Variants in PDE8B observed in about 807,000 individuals in gnomAD.
The protein encoded by PDE8B is phosphodiesterase 8B, also known as high affinity cAMP-specific and IBMX-insensitive 3',5'-cyclic phosphodiesterase 8B.
A neutral mutation model predicts 101.3 loss-of-function variants in PDE8B; 26 were observed. The ratio of observed to expected loss-of-function variants is 0.26; its 90% CI spans 0.19 to 0.36. The LOEUF (loss-of-function observed/expected upper bound fraction) is 0.36. Among genes scored for constraint, PDE8B ranks in the 10% least tolerant of loss-of-function variants. The pLI is 1.00. For missense variants in PDE8B, 810 were observed against 1,163.1 expected, an observed-to-expected ratio of 0.70 and a Z score of 4.42; for synonymous variants, 424 against 429.3, an observed-to-expected ratio of 0.99 and a Z score of 0.15.
chr5:77,102,983 G>GA, the PDE8B span, among the ~76,000 whole-genome samples: 1 of 152,168 alleles, frequency 6.6e-6, no homozygotes, highest in African/African-American at 2.4e-5. Flanking sequence ...GGTGGGCAAG[G>GA]AAAAATGAAG....
chr5:77,210,623 G>A (rs1256418547), upstream of PDE8B: 19 of 981,598 alleles, frequency 1.9e-5, no homozygotes, highest in East Asian at 9.3e-4. This position sits in a 1 kb window ranked among gnomAD's most constrained non-coding sequence, Gnocchi z 4.9. Flanking sequence ...GGCGCGGGGA[G>A]CGTGTTTGGG....
chr5:77,173,284 T>C, the PDE8B span, among the ~76,000 whole-genome samples: 7 of 152,192 alleles, frequency 4.6e-5, no homozygotes, highest in Admixed American at 2.0e-4. Flanking sequence ...ATGGAAAGTA[T>C]GTGAGGAGGT....
At chr5:77,139,730 C>A in the PDE8B span, 1 of 152,110 alleles carries the variant, frequency 6.6e-6, no homozygotes, top group African/African-American at 2.4e-5. Context: ...TTAAATATTT[C>A]TATTTAGTTT....
chr5:77,311,920 C>A, intron 1 of PDE8B, 74 bp from the exon 2 acceptor site: 3 of 1,161,698 alleles, frequency 2.6e-6, no homozygotes, highest in Non-Finnish European at 3.9e-6. Flanking sequence ...TAATGCAATG[C>A]GTTGCGTAAG....
At chr5:77,230,240 A>G (rs762244202) in intron 1 of PDE8B, among the ~76,000 whole-genome samples, 8 of 152,184 alleles carry the variant, frequency 5.3e-5, no homozygotes, top group Non-Finnish European at 7.3e-5. Flanking sequence ...CTCAACATGA[A>G]CTTGGGTTTC....
At chr5:77,338,022 C>G (rs1232003975) in intron 6 of PDE8B, among the ~76,000 whole-genome samples, 1 of 152,188 alleles carries the variant, frequency 6.6e-6, no homozygotes, top group Non-Finnish European at 1.5e-5. Context: ...TTCCTCTCTT[C>G]TCAGCCAGAG....
the PDE8B span, chr5:77,151,928 G>T: frequency 6.6e-6 from 1 of 152,116 alleles, no homozygotes; most frequent in Admixed American, 6.5e-5. Context: ...GTAAAACTGG[G>T]CTTGAAGACC....
In PDE8B at chr5:77,265,829, A is replaced by G. The variant is rs530076880; in HGVS notation, c.340-46165A>G. Among the ~76,000 whole-genome samples the G allele has an allele frequency of 3.9e-5, 6 of 152,372 alleles. No individual in the cohort carries two copies. The South Asian group carries it at 8.3e-4, about 21-fold the overall frequency. ...CAATATTAAATATCCTTCATATAAA[A>G]TGGGCTGAAGTCTAAATTGCACGTT... On this transcript the variant is annotated intron_variant, in intron 1 of 21. Coordinates refer to ENST00000264917, the MANE Select transcript of PDE8B (RefSeq NM_003719.5).
intron 19 of PDE8B, among the ~76,000 whole-genome samples, chr5:77,420,284 C>G: frequency 6.6e-6 from 1 of 152,068 alleles, no homozygotes; most frequent in East Asian, 1.9e-4. Context: ...GTTCCTGATT[C>G]ACATTAAAAG....
intron 1 of PDE8B, among the ~76,000 whole-genome samples, chr5:77,309,980 G>A (rs1298378699): frequency 1.1e-4 from 9 of 78,834 alleles, no homozygotes; most frequent in African/African-American, 4.4e-4. Context: ...ATGGAGTTTT[G>A]CTCTTGTTGC....
chr5:77,122,117 T>C, the PDE8B span, among the ~76,000 whole-genome samples: 162 of 152,352 alleles, frequency 1.1e-3, no homozygotes, highest in African/African-American at 3.8e-3. Context: ...ATTATTTGGC[T>C]GATGTAGGTT....
chr5:77,121,374 G>A, the PDE8B span, among the ~76,000 whole-genome samples: 1 of 152,134 alleles, frequency 6.6e-6, no homozygotes, highest in Non-Finnish European at 1.5e-5. Context: ...GAGTGATTAT[G>A]GGGGGAGGAA....
chr5:77,132,459 G>A, the PDE8B span, among the ~76,000 whole-genome samples: 1 of 152,134 alleles, frequency 6.6e-6, no homozygotes, highest in Non-Finnish European at 1.5e-5. Flanking sequence ...GAACAAAATA[G>A]TGGGCTATGA....
chr5:77,256,401 G>A (rs960780645), intron 1 of PDE8B, among the ~76,000 whole-genome samples: 11 of 152,202 alleles, frequency 7.2e-5, no homozygotes, highest in Non-Finnish European at 1.6e-4. Flanking sequence ...TTGATAACCT[G>A]AAAGTCCCTC....
chr5:77,254,532 ACTTAGTTTC>A, intron 1 of PDE8B, among the ~76,000 whole-genome samples: 1 of 152,234 alleles, frequency 6.6e-6, no homozygotes, highest in Non-Finnish European at 1.5e-5. Context: ...GTAATGACGC[ACTTAGTTTC>A]CTTCTGCCTT....
intron 1 of PDE8B, among the ~76,000 whole-genome samples, chr5:77,299,981 C>G (rs565517753): frequency 2.6e-5 from 4 of 152,322 alleles, no homozygotes; most frequent in Middle Eastern, 3.4e-3. Flanking sequence ...GTGGAGTAGG[C>G]CAGAATTGCT....
At position 77,400,258 on chromosome 5, in the gene PDE8B, T is replaced by C. The variant is rs1342214571; in HGVS notation, c.1178T>C (p.Ile393Thr). Residue 393 changes from isoleucine to threonine, a missense_variant, in exon 11 of 22, where the codon ATT (isoleucine) becomes ACT (threonine). Coordinates refer to ENST00000264917, the MANE Select transcript of PDE8B (RefSeq NM_003719.5). ...TTTGAACGACTTTAGATTCACAAGA[T>C]TCATCGTGATTCAGGAGACAATTCT... ...TTDNNKQIHKIHRDSGDNSQT... is the reference protein window; with the variant it reads ...TTDNNKQIHKTHRDSGDNSQT... The C allele has an allele frequency of 1.2e-6, 2 of 1,602,334 alleles. No individual in the cohort carries two copies. The highest frequency in any genetic ancestry group is 1.7e-5 in the Admixed American group (1 of 60,006).
chr5:77,344,350 C>T (rs759309342), intron 6 of PDE8B, among the ~76,000 whole-genome samples: 32 of 152,174 alleles, frequency 2.1e-4, no homozygotes, highest in Admixed American at 9.8e-4. Context: ...GTTATAATCT[C>T]GCAGGACCAC....
At chr5:77,198,922 G>A in the PDE8B span, among the ~76,000 whole-genome samples, 1 of 152,068 alleles carries the variant, frequency 6.6e-6, no homozygotes. Context: ...CATTGTTTCT[G>A]GTTTTTGTTG....
Sources: gnomAD v4.1 joint callset for allele counts (sites outside exome capture counted in the v4.1 genomes callset) on GRCh38, gnomAD v4.1.1 for gene constraint, Gnocchi (gnomAD v3.1) non-coding constraint, MANE v1.5 for transcripts, NCBI Gene and HGNC (gene_info 2026-07-23, HGNC 2026-07-21) for gene names.